LRP5: variants seen among roughly 807,000 people sequenced by gnomAD.
The protein encoded by LRP5 is low-density lipoprotein receptor-related protein 5.
In LRP5, 62 loss-of-function variants were observed where a neutral mutation model predicts 154.1. The observed-to-expected ratio is 0.40, with a 90% confidence interval of 0.33 to 0.50. LRP5 has a LOEUF of 0.50. LRP5 is among the 20% of genes least tolerant of loss of function. The probability of loss-of-function intolerance (pLI) is 0.55; values close to 1 mark genes in which losing one functional copy is unlikely to be tolerated. For missense variants in LRP5, 1,915 were observed against 2,336.7 expected (o/e 0.82, Z 3.72); for synonymous variants, 966 against 1,011.5 (o/e 0.96, Z 0.85).
rs1301521663 is a variant in LRP5, at chr11:68,386,303, C to T, written c.1016-13C>T. 3 of 1,610,392 alleles carry T rather than the reference C, an allele frequency of 1.9e-6. No homozygotes were observed. Among genetic ancestry groups the T allele is most frequent in the Non-Finnish European group, 1.7e-6 (2 of 1,179,998 alleles). ...GCCCTTGACCCCTGACCCCATTGCACCTGTCTCCACAGGAGCCGAGGAGGT... is the reference window on the plus strand; with the variant it reads ...GCCCTTGACCCCTGACCCCATTGCATCTGTCTCCACAGGAGCCGAGGAGGT... On this transcript the variant is annotated splice_polypyrimidine_tract_variant and intron_variant, in intron 5 of 22. Coordinates refer to ENST00000294304, the MANE Select transcript of LRP5 (RefSeq NM_002335.4). The surrounding 1 kb of genome is among the most constrained non-coding windows in gnomAD (Gnocchi z 7.9).
chr11:68,439,338 C>T (rs910406650), intron 20 of LRP5, among the ~76,000 whole-genome samples: 31 of 152,228 alleles, frequency 2.0e-4, no homozygotes, highest in African/African-American at 7.5e-4. Flanking sequence ...CACCCCAAGC[C>T]GGCCTCATTG....
At chr11:68,350,249 C>G (rs1363423484) in intron 2 of LRP5, among the ~76,000 whole-genome samples, 1 of 152,236 alleles carries the variant, frequency 6.6e-6, no homozygotes, top group Non-Finnish European at 1.5e-5. Context: ...GTTGGCCAGG[C>G]TGGTCTCAAA....
chr11:68,397,176 G>A (rs747452298), intron 7 of LRP5, among the ~76,000 whole-genome samples: 14 of 152,012 alleles, frequency 9.2e-5, no homozygotes, highest in African/African-American at 1.9e-4. Flanking sequence ...TTGCCTCCCC[G>A]CCCACCTGGG....
chr11:68,310,187 G>C (rs2098586895), upstream of LRP5, among the ~76,000 whole-genome samples: 1 of 152,312 alleles, frequency 6.6e-6, no homozygotes. Flanking sequence ...GTGGTGGGGG[G>C]TGTGGTTTGC....
intron 12 of LRP5, among the ~76,000 whole-genome samples, chr11:68,414,996 C>T (rs1047117502): frequency 7.2e-5 from 11 of 152,246 alleles, no homozygotes; most frequent in African/African-American, 2.7e-4. Flanking sequence ...TGCCATGACT[C>T]AGAGTCCCCG....
chr11:68,427,028 A>ACCTTG lies in LRP5; in HGVS notation c.3637+842_3637+843insCTTGC, dbSNP rs1565104907. Among the ~76,000 whole-genome samples, 1,086 of 152,100 alleles carry ACCTTG rather than the reference A, an allele frequency of 7.1e-3. 11 individuals are homozygous for ACCTTG. The highest frequency in any genetic ancestry group is 0.025 in the African/African-American group (1,018 of 41,464). ...GGGGCTCCCTGCGTCAGTCCCTCCC[A>ACCTTG]CACCTTGAGTCTCTCTGATTTGCTT... On this transcript the variant is annotated intron_variant, in intron 16 of 22. Transcript: ENST00000294304.
Position 68,312,793 on chromosome 11 carries a change from G to A in LRP5, c.79G>A (p.Ala27Thr). The A allele has an allele frequency of 9.3e-7, 1 of 1,077,478 alleles. No individual in the cohort carries two copies. Among genetic ancestry groups the A allele is most frequent in the Non-Finnish European group, 1.1e-6 (1 of 885,786 alleles). 66.7% of individuals were successfully genotyped at this position (1,077,478 alleles called of 1,614,324 possible). ...GCTGCTGGCGCTGTGCGGCTGCCCG[G>A]CCCCCGCCGCGGGTAGGTGGGCGCA... ...LLLLALCGCP[A>T]PAAASPLLLF... is the part of the protein sequence containing the mutation. Residue 27 changes from alanine (A) to threonine (T), a missense_variant, in exon 1 of 23, where the codon GCC becomes ACC. Ala to Thr is a moderately conservative substitution (Grantham distance 58, BLOSUM62 0). Transcript: ENST00000294304.
chr11:68,388,377 C>A (rs1382691748), intron 6 of LRP5, among the ~76,000 whole-genome samples: 2 of 152,082 alleles, frequency 1.3e-5, no homozygotes, highest in Non-Finnish European at 2.9e-5. Context: ...CCCTCCTAGC[C>A]CTGGTTTCAT....
chr11:68,399,522 T>C (rs1437872939), intron 7 of LRP5, among the ~76,000 whole-genome samples: 1 of 152,240 alleles, frequency 6.6e-6, no homozygotes, highest in Non-Finnish European at 1.5e-5. Flanking sequence ...CTGACCTCTG[T>C]CCTGGAAAAT....
chr11:68,416,932 G>A (rs575899052), intron 13 of LRP5, among the ~76,000 whole-genome samples: 1 of 152,238 alleles, frequency 6.6e-6, no homozygotes, highest in African/African-American at 2.4e-5. Flanking sequence ...ATGCAAAATC[G>A]CACAGTAAAA....
intron 16 of LRP5, among the ~76,000 whole-genome samples, chr11:68,426,492 A>G (rs541550760): frequency 6.7e-6 from 1 of 148,844 alleles, no homozygotes; most frequent in Non-Finnish European, 1.5e-5. Context: ...TGGTGCAAAC[A>G]CAGTTCACTG....
At chr11:68,358,897 G>A (rs2098625417) in intron 3 of LRP5, among the ~76,000 whole-genome samples, 1 of 152,214 alleles carries the variant, frequency 6.6e-6, no homozygotes, top group Non-Finnish European at 1.5e-5. Flanking sequence ...CTGCACTAGT[G>A]GAGCTCCTGG....
intron 5 of LRP5, among the ~76,000 whole-genome samples, chr11:68,376,569 C>G (rs1325212308): frequency 6.6e-6 from 1 of 152,206 alleles, no homozygotes; most frequent in Non-Finnish European, 1.5e-5. Flanking sequence ...GGGATCTGGG[C>G]CTGGCGTCCT....
chr11:68,448,758 C>A, intron 22 of LRP5, 51 bp from the exon 23 acceptor site: 1 of 1,598,758 alleles, frequency 6.3e-7, no homozygotes, highest in Non-Finnish European at 8.5e-7. Flanking sequence ...CTGTGCCCAC[C>A]AGGGCGGATG....
chr11:68,316,379 C>T (rs1409849028), intron 1 of LRP5, among the ~76,000 whole-genome samples: 1 of 152,030 alleles, frequency 6.6e-6, no homozygotes, highest in Admixed American at 6.5e-5. Context: ...TTAAGTGATT[C>T]TCCTGCCTCA....
intron 5 of LRP5, among the ~76,000 whole-genome samples, chr11:68,376,278 C>T (rs1193061654): frequency 6.6e-6 from 1 of 150,788 alleles, no homozygotes; most frequent in Non-Finnish European, 1.5e-5. Context: ...GCCTGCTGAG[C>T]TCAAGCGATT....
intron 4 of LRP5, 86 bp from the exon 5 acceptor site, chr11:68,365,485 G>T: frequency 6.2e-7 from 1 of 1,600,454 alleles, no homozygotes. Context: ...AGGCTGTCAC[G>T]GGGGACGAGG....
chr11:68,348,400 C>T (rs1411257554), intron 2 of LRP5, among the ~76,000 whole-genome samples, 157 bp downstream of exon 2: 1 of 131,208 alleles, frequency 7.6e-6, no homozygotes, highest in African/African-American at 2.6e-5. Flanking sequence ...CCCCAGCACT[C>T]GGTGTGACTC....
At position 68,426,049 on chromosome 11, in the gene LRP5, C is replaced by T; in HGVS notation, c.3499C>T (p.Leu1167Phe). Reference sequence around the variant, plus strand: ...GGGCCTGACCATCCTTGGCAAGCATCTCTACTGGATCGACCGCCAGCAGCA... The same window carrying T: ...GGGCCTGACCATCCTTGGCAAGCATTTCTACTGGATCGACCGCCAGCAGCA... Reference protein sequence around the residue: ...PLGLTILGKHLYWIDRQQQMI... With the variant: ...PLGLTILGKHFYWIDRQQQMI... Residue 1167 changes from leucine (L) to phenylalanine (F), a missense_variant, in exon 16 of 23, where the codon CTC (leucine) becomes TTC (phenylalanine). By Grantham distance (22) the Leu-to-Phe change is conservative (BLOSUM62 0). Coordinates refer to ENST00000294304, the MANE Select transcript of LRP5 (RefSeq NM_002335.4). 6.2e-7 allele frequency: 1 copy of T among 1,613,722 alleles called. No homozygotes were observed. The highest frequency in any genetic ancestry group is 8.5e-7 in the Non-Finnish European group (1 of 1,180,036).
Sources: allele counts gnomAD v4.1 joint callset (sites outside exome capture counted in the v4.1 genomes callset), GRCh38; gene constraint gnomAD v4.1.1; non-coding constraint Gnocchi (gnomAD v3.1); transcripts MANE v1.5; gene names NCBI Gene and HGNC (gene_info 2026-07-23, HGNC 2026-07-21).